CD109: variants seen among roughly 807,000 people sequenced by gnomAD.
CD109 encodes the protein CD109 antigen.
CD109 carries 149 observed loss-of-function variants against 165.8 expected under a neutral mutation model. The ratio of observed to expected loss-of-function variants is 0.90; its 90% confidence interval spans 0.79 to 1.03. The LOEUF (loss-of-function observed/expected upper bound fraction) is 1.03, where lower values mean the gene tolerates loss of function less well. Among genes scored for constraint, CD109 ranks in the 50% least tolerant of loss-of-function variants. The pLI is 0.00. For missense variants in CD109, 1,712 were observed against 1,677.8 expected (o/e 1.02, Z -0.36); for synonymous variants, 585 against 592.1 (o/e 0.99, Z 0.18).
At chr6:73,778,947 T>C (rs1774366402) in intron 15 of CD109, among the ~76,000 whole-genome samples, 1 of 152,190 alleles carries the variant, frequency 6.6e-6, no homozygotes, top group Non-Finnish European at 1.5e-5. Flanking sequence ...AAATTTGCTA[T>C]TTTTACCATT....
At chr6:73,691,914 A>G (rs770722694), upstream of CD109, among the ~76,000 whole-genome samples, 1 of 152,186 alleles carries the variant, frequency 6.6e-6, no homozygotes, top group African/African-American at 2.4e-5. Context: ...GCATGTCAGC[A>G]TCTGCTTCTA....
At chr6:73,694,861 C>T (rs1770765000), upstream of CD109, 1 of 152,298 alleles carries the variant, frequency 6.6e-6, no homozygotes, top group Admixed American at 6.5e-5. Context: ...ACCCAGGGAT[C>T]CACACAGACA....
chr6:73,719,310 T>G (rs1473366959), intron 2 of CD109, among the ~76,000 whole-genome samples: 1 of 152,226 alleles, frequency 6.6e-6, no homozygotes, highest in African/African-American at 2.4e-5. Flanking sequence ...TTTAGTAGAT[T>G]AAAACAACAA....
chr6:73,805,230 T>G, intron 24 of CD109, among the ~76,000 whole-genome samples: 1 of 152,224 alleles, frequency 6.6e-6, no homozygotes, highest in East Asian at 1.9e-4. Flanking sequence ...TAAGAAAAAT[T>G]CTTCTGCCTT....
chr6:73,713,853 A>G (rs1244749933), intron 2 of CD109, among the ~76,000 whole-genome samples: 1 of 152,168 alleles, frequency 6.6e-6, no homozygotes, highest in Non-Finnish European at 1.5e-5. Context: ...TTTGGATTGT[A>G]GACTCCCAAC....
At chr6:73,752,755 A>C (rs1164436144) in intron 5 of CD109, among the ~76,000 whole-genome samples, 1 of 152,204 alleles carries the variant, frequency 6.6e-6, no homozygotes, top group Admixed American at 6.5e-5. Context: ...CTTAAAAGAC[A>C]TGCTGCCCAA....
intron 15 of CD109, among the ~76,000 whole-genome samples, chr6:73,779,494 C>T (rs537826695): frequency 1.1e-4 from 16 of 152,032 alleles, no homozygotes; most frequent in East Asian, 1.9e-4. Flanking sequence ...ATGATCCGCC[C>T]GCCTCGGCCT....
chr6:73,730,851 C>T (rs1772342187), intron 4 of CD109, among the ~76,000 whole-genome samples: 1 of 152,052 alleles, frequency 6.6e-6, no homozygotes, highest in South Asian at 2.1e-4. Flanking sequence ...CCAGGCACAG[C>T]GATAGGGCAG....
intron 2 of CD109, among the ~76,000 whole-genome samples, chr6:73,709,039 T>A (rs970048953): frequency 4.6e-5 from 7 of 152,150 alleles, no homozygotes; most frequent in African/African-American, 1.7e-4. Flanking sequence ...CTTTTGTTGC[T>A]ATTGCTTTTG....
chr6:73,823,429 T>C, intron 32 of CD109, 29 bp from the exon 33 acceptor site: 2 of 1,564,810 alleles, frequency 1.3e-6, no homozygotes, highest in South Asian at 1.1e-5. Context: ...AAGGGAGCCG[T>C]GTGAACTGAT....
chr6:73,809,664 G>A (rs1022296895), intron 26 of CD109, among the ~76,000 whole-genome samples: 3 of 151,976 alleles, frequency 2.0e-5, no homozygotes, highest in Non-Finnish European at 2.9e-5. Context: ...TTCAGATTTT[G>A]GAATGTATGT....
At chr6:73,779,357 T>C (rs531585910) in intron 15 of CD109, among the ~76,000 whole-genome samples, 1 of 151,924 alleles carries the variant, frequency 6.6e-6, no homozygotes, top group African/African-American at 2.4e-5. Context: ...CAAACCATTC[T>C]CCTTCCTCAG....
At chr6:73,684,749 A>G in the CD109 span, among the ~76,000 whole-genome samples, 5 of 150,692 alleles carry the variant, frequency 3.3e-5, no homozygotes, top group East Asian at 2.0e-4. Flanking sequence ...CAGTGGTACA[A>G]TCATAGCTCA....
chr6:73,773,840 T>A (rs1774137904), intron 15 of CD109, among the ~76,000 whole-genome samples: 1 of 152,148 alleles, frequency 6.6e-6, no homozygotes, highest in South Asian at 2.1e-4. Flanking sequence ...CCCATTTTAT[T>A]TTTTCTCTCC....
rs1271813362 is a variant in CD109, at chr6:73,826,984, T to A, written c.*3351T>A. On this transcript the variant is annotated 3_prime_UTR_variant, in exon 33 of 33. Coordinates refer to ENST00000287097, the MANE Select transcript of CD109 (RefSeq NM_133493.5). The stretch of plus-strand genomic sequence containing the variant: ...CATAATTCAATTATTTCATTTGACA[T>A]GTCTGGCAGACTCAAGACATTAAGT... The A allele has an allele frequency of 6.6e-6, 1 of 152,150 alleles. No individual in the cohort carries two copies. Among genetic ancestry groups the A allele is most frequent in the Non-Finnish European group, 1.5e-5 (1 of 68,006 alleles). 9.4% of individuals were successfully genotyped at this position (152,150 alleles called of 1,614,324 possible).
At chr6:73,779,240 C>G (rs1383088074) in intron 15 of CD109, among the ~76,000 whole-genome samples, 2 of 145,354 alleles carry the variant, frequency 1.4e-5, no homozygotes, top group Admixed American at 1.4e-4. Flanking sequence ...TAGCATGTAT[C>G]AGAGCTTCAT....
intron 2 of CD109, among the ~76,000 whole-genome samples, chr6:73,709,285 A>G (rs1771431162): frequency 1.3e-5 from 2 of 152,184 alleles, no homozygotes; most frequent in Non-Finnish European, 2.9e-5. Flanking sequence ...TGTTTGTGTC[A>G]GGTTTGTCAA....
chr6:73,793,021 A>T (rs1775032180), intron 23 of CD109, among the ~76,000 whole-genome samples: 1 of 152,314 alleles, frequency 6.6e-6, no homozygotes, highest in East Asian at 1.9e-4. Context: ...TTTGTTAGTA[A>T]TGGCTTAAGA....
Position 73,696,237 on chromosome 6 carries a change from A to G in CD109, c.22A>G (p.Thr8Ala). MQGPPLL[T>A]AAHLLCVCTA... ...CGAGATGCAGGGCCCACCGCTCCTG[A>G]CCGCCGCCCACCTCCTCTGCGTGTG... Residue 8 changes from threonine to alanine, a missense_variant, in exon 1 of 33, where the codon ACC becomes GCC. Transcript: ENST00000287097. 6.5e-7 allele frequency: 1 copy of G among 1,543,150 alleles called. No homozygotes were observed. The highest frequency in any genetic ancestry group is 8.7e-7 in the Non-Finnish European group (1 of 1,149,094).
Sources: gnomAD v4.1 joint callset for allele counts (sites outside exome capture counted in the v4.1 genomes callset) on GRCh38, gnomAD v4.1.1 for gene constraint, MANE v1.5 for transcripts, NCBI Gene and HGNC (gene_info 2026-07-23, HGNC 2026-07-21) for gene names.